The following CRMP1 variants were observed in gnomAD, a reference collection of about 807,000 sequenced individuals.
CRMP1 encodes collapsin response mediator protein 1.
CRMP1 carries 19 observed loss-of-function variants against 68.3 expected under a neutral mutation model. The ratio of observed to expected loss-of-function variants is 0.28; its 90% CI spans 0.19 to 0.41. The LOEUF (loss-of-function observed/expected upper bound fraction) is 0.41. CRMP1 is among the 10% of genes least tolerant of loss of function. CRMP1 has a pLI of 1.00. For synonymous variants in CRMP1, 439 were observed against 399.6 expected, an observed-to-expected ratio of 1.10 and a Z score of -1.18; for missense variants, 791 against 967.4, an observed-to-expected ratio of 0.82 and a Z score of 2.42.
At position 5,825,746 on chromosome 4, in the gene CRMP1, G is replaced by T. The variant is rs1560478039; in HGVS notation, c.1804-87C>A. ...ATAAAGCAGAGCCCTGCGGGCGAGAGAGAAACCTGAGGTCACTTCAAATGT... is the reference window on the plus strand; with the variant it reads ...ATAAAGCAGAGCCCTGCGGGCGAGATAGAAACCTGAGGTCACTTCAAATGT... On this transcript the variant is annotated intron_variant, in intron 12 of 13. Transcript: ENST00000324989. The surrounding 1 kb of genome is among the most constrained non-coding windows in gnomAD (Gnocchi z 4.4). 1.4e-6 allele frequency: 2 copies of T among 1,388,540 alleles called. No homozygotes were observed. The highest frequency in any genetic ancestry group is 3.6e-4 in the Middle Eastern group (2 of 5,612). 86.0% of individuals were successfully genotyped at this position (1,388,540 alleles called of 1,614,324 possible).
chr4:5,887,870 C>G, intron 1 of CRMP1: 1 of 957,890 alleles, frequency 1.0e-6, no homozygotes, highest in Non-Finnish European at 1.3e-6. Flanking sequence ...CCCACCCCCG[C>G]GCGAGGCCTG....
At chr4:5,863,621 A>G (rs1374099926) in intron 2 of CRMP1, among the ~76,000 whole-genome samples, 1 of 152,104 alleles carries the variant, frequency 6.6e-6, no homozygotes, top group African/African-American at 2.4e-5. Context: ...CCCTCCCCCA[A>G]CACCATCACC....
chr4:5,826,018 CTT>C (rs530790636), intron 12 of CRMP1: 3 of 313,870 alleles, frequency 9.6e-6, no homozygotes, highest in Non-Finnish European at 1.8e-5. Flanking sequence ...CGCACACACA[CTT>C]AAATCACATA....
At chr4:5,840,246 G>C (rs1711614116) in intron 8 of CRMP1, among the ~76,000 whole-genome samples, 2 of 152,222 alleles carry the variant, frequency 1.3e-5, no homozygotes, top group South Asian at 2.1e-4. Flanking sequence ...AGTTGGATGT[G>C]TTTCTGTCAG....
rs1039215356 is a variant in CRMP1, at chr4:5,872,662, G to A, written c.382-5906C>T. Among the ~76,000 whole-genome samples, 1 of 152,196 alleles carries A rather than the reference G, an allele frequency of 6.6e-6. No individual in the cohort carries two copies. ...AGATCGCACCGCTGCAGTCCAGCCTGGGCAACAGAGCGAGACTCCATCTCA... is the reference window on the plus strand; with the variant it reads ...AGATCGCACCGCTGCAGTCCAGCCTAGGCAACAGAGCGAGACTCCATCTCA... On this transcript the variant is annotated intron_variant, in intron 1 of 13. Coordinates refer to ENST00000324989, the MANE Select transcript of CRMP1 (RefSeq NM_001014809.3). This position sits in a 1 kb window ranked among gnomAD's most constrained non-coding sequence, Gnocchi z 4.6.
At chr4:5,827,669 TACAC>T (rs1328537432) in intron 12 of CRMP1, among the ~76,000 whole-genome samples, 1 of 150,942 alleles carries the variant, frequency 6.6e-6, no homozygotes, top group African/African-American at 2.5e-5. Context: ...TATGCACACA[TACAC>T]ACGTGCATGC....
chr4:5,823,553 A>G (rs1445694151), intron 13 of CRMP1, among the ~76,000 whole-genome samples: 1 of 152,256 alleles, frequency 6.6e-6, no homozygotes, highest in Non-Finnish European at 1.5e-5. Flanking sequence ...GTCATGAAGG[A>G]CAGACCACTC....
rs1715053554 is a variant in CRMP1, at chr4:5,879,132, C to T, written c.382-12376G>A. ...TCCTCATCTGTAGGACAAAGCTCAC[C>T]TCCTAGGCTCTTCCCGGCCTGAGCC... is the stretch of plus-strand genomic sequence containing the variant. On this transcript the variant is annotated intron_variant, in intron 1 of 13. Coordinates refer to ENST00000324989, the MANE Select transcript of CRMP1 (RefSeq NM_001014809.3). The surrounding 1 kb of genome is among the most constrained non-coding windows in gnomAD (Gnocchi z 4.2). Among the ~76,000 whole-genome samples, 1 of 151,954 alleles carries T rather than the reference C, an allele frequency of 6.6e-6. No homozygotes were observed. Among genetic ancestry groups the T allele is most frequent in the Non-Finnish European group, 1.5e-5 (1 of 67,970 alleles).
intron 11 of CRMP1, among the ~76,000 whole-genome samples, chr4:5,831,938 G>C (rs1720409225): frequency 6.6e-6 from 1 of 152,192 alleles, no homozygotes; most frequent in Non-Finnish European, 1.5e-5. Context: ...AGCCACTCAA[G>C]CTCATGTGTG....
intron 1 of CRMP1, among the ~76,000 whole-genome samples, chr4:5,873,185 G>C (rs1312178244): frequency 3.3e-5 from 5 of 152,210 alleles, no homozygotes; most frequent in Non-Finnish European, 5.9e-5. Context: ...TGCTGCCAGT[G>C]TGGGAAATGC....
rs1466632043 is a variant in CRMP1 at position 5,881,420 on chromosome 4, A to G, written c.381+11169T>C. Among the ~76,000 whole-genome samples the G allele has an allele frequency of 6.6e-6, 1 of 152,176 alleles. No homozygotes were observed. Among genetic ancestry groups the G allele is most frequent in the Non-Finnish European group, 1.5e-5 (1 of 68,042 alleles). On this transcript the variant is annotated intron_variant, in intron 1 of 13. Coordinates refer to ENST00000324989, the MANE Select transcript of CRMP1 (RefSeq NM_001014809.3). This position sits in a 1 kb window ranked among gnomAD's most constrained non-coding sequence, Gnocchi z 4.6. ...TAAAATTTTGCAGCATTCTTGAAGGATTAAAGACCTAAAATTACACCAGGT... is the reference window on the plus strand; with the variant it reads ...TAAAATTTTGCAGCATTCTTGAAGGGTTAAAGACCTAAAATTACACCAGGT...
chr4:5,872,581 G>A lies in CRMP1; in HGVS notation c.382-5825C>T, dbSNP rs1259393279. The stretch of plus-strand genomic sequence containing the variant: ...AGGCACCTGTAATCCCAGCTACTCG[G>A]GAGGCTGAGGCAGGAGAATCACTTG... On this transcript the variant is annotated intron_variant, in intron 1 of 13. Transcript: ENST00000324989. The surrounding 1 kb of genome is among the most constrained non-coding windows in gnomAD (Gnocchi z 4.6). Among the ~76,000 whole-genome samples, 1 of 152,230 alleles carries A rather than the reference G, an allele frequency of 6.6e-6. No homozygotes were observed. Among genetic ancestry groups the A allele is most frequent in the East Asian group, 1.9e-4 (1 of 5,192 alleles).
chr4:5,829,654 CA>C (rs1720211556), intron 11 of CRMP1, among the ~76,000 whole-genome samples: 4 of 152,162 alleles, frequency 2.6e-5, no homozygotes, highest in Non-Finnish European at 4.4e-5. Flanking sequence ...CTGACATATA[CA>C]CATCTCTACA....
rs1040877153 is a variant in CRMP1 at position 5,838,707 on chromosome 4, A to C, written c.1310+815T>G. On this transcript the variant is annotated intron_variant, in intron 9 of 13. Coordinates refer to ENST00000324989, the MANE Select transcript of CRMP1 (RefSeq NM_001014809.3). This position sits in a 1 kb window ranked among gnomAD's most constrained non-coding sequence, Gnocchi z 4.9. ...GAGTAAGCCCTTGGCTACGCTAGTC[A>C]AAGGTTTCTGTATCATCAGGGGGAT... Among the ~76,000 whole-genome samples, 2 of 152,188 alleles carry C rather than the reference A, an allele frequency of 1.3e-5. No homozygotes were observed. The highest frequency in any genetic ancestry group is 2.4e-5 in the African/African-American group (1 of 41,446).
intron 11 of CRMP1, among the ~76,000 whole-genome samples, chr4:5,833,840 C>T (rs902334836): frequency 3.3e-5 from 5 of 152,068 alleles, no homozygotes; most frequent in African/African-American, 2.4e-5. Flanking sequence ...GTCAGGAGAT[C>T]GAGACCATCC....
rs1180058592 is a variant in CRMP1 at position 5,825,073 on chromosome 4, G to A, written c.1969+421C>T. ...AAATAAAATCATGGGTTATGAAAGTGCTTAGTACACTGCAGTGGGTGAACA... is the reference window on the plus strand; with the variant it reads ...AAATAAAATCATGGGTTATGAAAGTACTTAGTACACTGCAGTGGGTGAACA... On this transcript the variant is annotated intron_variant, in intron 13 of 13. Coordinates refer to ENST00000324989, the MANE Select transcript of CRMP1 (RefSeq NM_001014809.3). The surrounding 1 kb of genome is among the most constrained non-coding windows in gnomAD (Gnocchi z 4.4). 3.0e-6 allele frequency: 3 copies of A among 985,296 alleles called. No homozygotes were observed. In the African/African-American group the frequency reaches 5.2e-5, roughly 17 times the overall value. 61.0% of individuals were successfully genotyped at this position (985,296 alleles called of 1,614,324 possible).
chr4:5,887,722 C>G, intron 1 of CRMP1: 1 of 985,538 alleles, frequency 1.0e-6, no homozygotes, highest in Non-Finnish European at 1.2e-6. Flanking sequence ...TAGGTCCGGA[C>G]TTCCACTCCA....
Position 5,841,123 on chromosome 4 carries a change from G to A in CRMP1, c.1153+185C>T, listed in dbSNP as rs544182033. The stretch of plus-strand genomic sequence containing the variant: ...TTTAAATGGAGCTGAGCTTATCGAG[G>A]TGAATATCCTAAGGTCATTGGGACC... On this transcript the variant is annotated intron_variant, in intron 8 of 13. Transcript: ENST00000324989. This position sits in a 1 kb window ranked among gnomAD's most constrained non-coding sequence, Gnocchi z 6.9. Among the ~76,000 whole-genome samples, 8 of 152,268 alleles carry A rather than the reference G, an allele frequency of 5.3e-5. No individual in the cohort carries two copies. Among genetic ancestry groups the A allele is most frequent in the Admixed American group, 1.3e-4 (2 of 15,292 alleles).
rs1157937021 is a variant in CRMP1, at chr4:5,835,009, T to C, written c.1623+906A>G. On this transcript the variant is annotated intron_variant, in intron 11 of 13. Coordinates refer to ENST00000324989, the MANE Select transcript of CRMP1 (RefSeq NM_001014809.3). Reference sequence around the variant, plus strand: ...TTTCCTGTGGCTTTCTTATGAAACTTCCTTGTGCCTCATGTCCTGTCCCCA... The same window carrying C: ...TTTCCTGTGGCTTTCTTATGAAACTCCCTTGTGCCTCATGTCCTGTCCCCA... 2.0e-5 allele frequency among the ~76,000 whole-genome samples: 3 copies of C among 152,182 alleles called. No homozygotes were observed. The East Asian group carries it at 5.8e-4, about 29-fold the overall frequency.
Sources: gnomAD v4.1 joint callset for allele counts (sites outside exome capture counted in the v4.1 genomes callset) on GRCh38, gnomAD v4.1.1 for gene constraint, Gnocchi (gnomAD v3.1) non-coding constraint, MANE v1.5 for transcripts, NCBI Gene and HGNC (gene_info 2026-07-23, HGNC 2026-07-21) for gene names.